DPP10: variants seen among roughly 807,000 people sequenced by gnomAD.
DPP10 encodes the protein dipeptidyl peptidase like 10.
DPP10 carries 33 observed loss-of-function variants against 120.9 expected under a neutral mutation model. The ratio of observed to expected loss-of-function variants is 0.27; its 90% CI spans 0.21 to 0.37. The LOEUF (loss-of-function observed/expected upper bound fraction) is 0.37, where lower values mean the gene tolerates loss of function less well. Among genes scored for constraint, DPP10 ranks in the 10% least tolerant of loss-of-function variants. The pLI is 1.00. For synonymous variants in DPP10, 337 were observed against 326.1 expected (o/e 1.03, Z -0.36); for missense variants, 816 against 942.8 (o/e 0.87, Z 1.76).
intron 1 of DPP10, among the ~76,000 whole-genome samples, chr2:115,281,018 TC>T (rs2105874367): frequency 6.6e-6 from 1 of 152,248 alleles, no homozygotes; most frequent in African/African-American, 2.4e-5. Flanking sequence ...TACTGTCTTT[TC>T]CATTTTTATG....
chr2:114,521,631 T>TA (rs1164104585), intron 1 of DPP10, among the ~76,000 whole-genome samples: 1 of 151,970 alleles, frequency 6.6e-6, no homozygotes, highest in Non-Finnish European at 1.5e-5. Context: ...ATCTTAATGT[T>TA]AAAAAAAGGT....
At chr2:114,848,384 C>A (rs1688702121) in intron 1 of DPP10, among the ~76,000 whole-genome samples, 1 of 152,130 alleles carries the variant, frequency 6.6e-6, no homozygotes, top group Non-Finnish European at 1.5e-5. Context: ...TCTACAGGGA[C>A]ATTTACACAA....
intron 3 of DPP10, among the ~76,000 whole-genome samples, chr2:115,492,880 G>T (rs1242709795): frequency 6.6e-6 from 1 of 152,010 alleles, no homozygotes; most frequent in Non-Finnish European, 1.5e-5. Context: ...CAGAAGAGAG[G>T]GATATTAGGT....
chr2:115,554,391 A>T (rs374778827), intron 5 of DPP10, among the ~76,000 whole-genome samples: 1 of 151,840 alleles, frequency 6.6e-6, no homozygotes, highest in Non-Finnish European at 1.5e-5. Flanking sequence ...ACCAGCAGCA[A>T]TGTTATTCCT....
At chr2:115,620,052 G>A (rs1347341779) in intron 5 of DPP10, among the ~76,000 whole-genome samples, 1 of 152,122 alleles carries the variant, frequency 6.6e-6, no homozygotes, top group Non-Finnish European at 1.5e-5. Flanking sequence ...CTGCTATACT[G>A]ATTGGCATTG....
At chr2:115,363,953 C>T (rs1007234864) in intron 3 of DPP10, among the ~76,000 whole-genome samples, 11 of 151,902 alleles carry the variant, frequency 7.2e-5, no homozygotes, top group East Asian at 5.8e-4. Context: ...AGAGAGAGCT[C>T]GGTAACTTCC....
chr2:114,750,848 C>A (rs1190321671), intron 1 of DPP10, among the ~76,000 whole-genome samples: 1 of 152,180 alleles, frequency 6.6e-6, no homozygotes, highest in Non-Finnish European at 1.5e-5. Flanking sequence ...CATTGGTGGC[C>A]TAAAGCTGAG....
chr2:114,894,459 G>A (rs1407337245), intron 1 of DPP10, among the ~76,000 whole-genome samples: 1 of 152,080 alleles, frequency 6.6e-6, no homozygotes, highest in Non-Finnish European at 1.5e-5. Flanking sequence ...CATTCAATAG[G>A]CCACTCTGCT....
At chr2:115,645,419 G>A (rs1283137251) in intron 5 of DPP10, among the ~76,000 whole-genome samples, 1 of 152,126 alleles carries the variant, frequency 6.6e-6, no homozygotes, top group East Asian at 1.9e-4. Context: ...TGAGTCCTGT[G>A]ATACTCAGGG....
At chr2:115,116,832 G>T (rs1456949241) in intron 1 of DPP10, among the ~76,000 whole-genome samples, 1 of 151,964 alleles carries the variant, frequency 6.6e-6, no homozygotes, top group African/African-American at 2.4e-5. Flanking sequence ...TTTTCCTCTT[G>T]TATTTTCTCT....
rs186064003 is a variant in DPP10, at chr2:114,572,175, A to G, written c.60+129337A>G. Among the ~76,000 whole-genome samples the G allele has an allele frequency of 1.2e-3, 182 of 152,176 alleles. 1 individual carries two copies. The highest frequency in any genetic ancestry group is 4.1e-3 in the African/African-American group (171 of 41,556). On this transcript the variant is annotated intron_variant, in intron 1 of 25. Coordinates refer to ENST00000410059, the MANE Select transcript of DPP10 (RefSeq NM_020868.6). ...GGCAGGGATCCTTTCTCATTATAAA[A>G]ATAACATCATCTTTTGTAAACAATT... is the stretch of plus-strand genomic sequence containing the variant.
At chr2:115,455,220 T>C (rs1247744078) in intron 3 of DPP10, among the ~76,000 whole-genome samples, 1 of 151,934 alleles carries the variant, frequency 6.6e-6, no homozygotes, top group Non-Finnish European at 1.5e-5. Context: ...ACTGTGAAGA[T>C]GGCAATTCTC....
chr2:114,952,735 GAT>G (rs1697890398), intron 1 of DPP10, among the ~76,000 whole-genome samples: 2 of 152,150 alleles, frequency 1.3e-5, no homozygotes, highest in African/African-American at 4.8e-5. Context: ...ATACACACAA[GAT>G]ATACTCTATC....
intron 1 of DPP10, among the ~76,000 whole-genome samples, chr2:115,073,994 AT>A (rs1427656629): frequency 6.6e-6 from 1 of 152,174 alleles, no homozygotes; most frequent in East Asian, 1.9e-4. Context: ...GGCTGTTTTA[AT>A]TTTTAAGACA....
chr2:114,622,249 C>T (rs1459734257), intron 1 of DPP10, among the ~76,000 whole-genome samples: 1 of 151,856 alleles, frequency 6.6e-6, no homozygotes, highest in African/African-American at 2.4e-5. Context: ...CTTATTTGAT[C>T]TTCACAAAAT....
chr2:115,730,506 G>A (rs971647231), intron 8 of DPP10, among the ~76,000 whole-genome samples: 4 of 152,186 alleles, frequency 2.6e-5, no homozygotes, highest in Non-Finnish European at 5.9e-5. Context: ...GGTCTGTAAC[G>A]TCGATGAAGT....
In DPP10 at chr2:115,332,719, A is replaced by G. The variant is rs538827469; in HGVS notation, c.176-11098A>G. Among the ~76,000 whole-genome samples the G allele has an allele frequency of 4.3e-3, 647 of 152,224 alleles. 4 individuals carry two copies. Among genetic ancestry groups the G allele is most frequent in the South Asian group, 8.7e-3 (42 of 4,832 alleles). ...TTCAGGAGCAGGTTGTTCAGTTTCCATGTAGTTGAGCAGTTTTGAGTGAGT... is the reference window on the plus strand; with the variant it reads ...TTCAGGAGCAGGTTGTTCAGTTTCCGTGTAGTTGAGCAGTTTTGAGTGAGT... On this transcript the variant is annotated intron_variant, in intron 2 of 25. Transcript: ENST00000410059.
intron 3 of DPP10, among the ~76,000 whole-genome samples, chr2:115,471,557 C>A (rs1343267399): frequency 6.7e-6 from 1 of 149,524 alleles, no homozygotes; most frequent in Non-Finnish European, 1.5e-5. Context: ...TGAAATGGAC[C>A]AGGATTCTTC....
intron 3 of DPP10, among the ~76,000 whole-genome samples, chr2:115,469,281 C>A (rs143994924): frequency 6.6e-6 from 1 of 152,114 alleles, no homozygotes; most frequent in Admixed American, 6.5e-5. Context: ...AAGAAGTATT[C>A]AAACTGAAAT....
Sources: gnomAD v4.1 joint callset for allele counts (sites outside exome capture counted in the v4.1 genomes callset) on GRCh38, gnomAD v4.1.1 for gene constraint, MANE v1.5 for transcripts, NCBI Gene and HGNC (gene_info 2026-07-23, HGNC 2026-07-21) for gene names.